The following SUZ12 variants were observed in gnomAD, a reference collection of about 807,000 sequenced individuals.
The protein encoded by SUZ12 is SUZ12 polycomb repressive complex 2 subunit.
Under a neutral mutation model 87.3 loss-of-function variants are expected in SUZ12, and 17 were observed. The observed-to-expected ratio is 0.19, with a 90% CI of 0.13 to 0.29. The LOEUF is 0.29. Among genes scored for constraint, SUZ12 ranks in the 10% least tolerant of loss-of-function variants. The pLI is 1.00. For missense variants in SUZ12, 526 were observed against 912.2 expected (o/e 0.58, Z 5.45); for synonymous variants, 253 against 312.4 (o/e 0.81, Z 2.01).
chr17:31,997,981 C>G (rs535756934), intron 15 of SUZ12, among the ~76,000 whole-genome samples: 1 of 151,866 alleles, frequency 6.6e-6, no homozygotes, highest in Non-Finnish European at 1.5e-5. Flanking sequence ...CTCACACTTA[C>G]AATGCTGGCA....
rs887405183 is a variant in SUZ12 at position 31,937,258 on chromosome 17, G to A, written c.12G>A (p.Gln4=). Residue 4 remains glutamine (Q), a synonymous_variant, in exon 1 of 16, where the codon CAG becomes CAA. Transcript: ENST00000322652. The part of the protein sequence containing the change: MAP[Q]KHGGGGGGGS... Reference sequence around the variant, plus strand: ...AGGCAGGAACCGCGATGGCGCCTCAGAAGCACGGCGGTGGGGGAGGGGGCG... The same window carrying A: ...AGGCAGGAACCGCGATGGCGCCTCAAAAGCACGGCGGTGGGGGAGGGGGCG... 1 of 1,398,246 alleles carries A rather than the reference G, an allele frequency of 7.2e-7. No homozygotes were observed. Among genetic ancestry groups the A allele is most frequent in the Non-Finnish European group, 9.2e-7 (1 of 1,087,268 alleles). The allele number at this position is 1,398,246 out of a possible 1,614,324, so 86.6% of individuals were successfully genotyped here. A position where few individuals can be genotyped will look rare whatever the true frequency, so the allele number is the denominator to read the frequency against.
rs1203982435 is a variant in SUZ12, at chr17:31,969,069, C to T, written c.505+2873C>T. Reference sequence around the variant, plus strand: ...CTCAGATCACTGCAGCCTCTGCCTCCAGGTTCAAGTGATTCTCATGCCTCC... The same window carrying T: ...CTCAGATCACTGCAGCCTCTGCCTCTAGGTTCAAGTGATTCTCATGCCTCC... On this transcript the variant is annotated intron_variant, in intron 5 of 15. Transcript: ENST00000322652. Among the ~76,000 whole-genome samples, 5 of 152,284 alleles carry T rather than the reference C, an allele frequency of 3.3e-5. No individual in the cohort carries two copies. The East Asian group carries it at 9.6e-4, about 29-fold the overall frequency.
intron 11 of SUZ12, 149 bp from the exon 12 acceptor site, chr17:31,993,716 C>T (rs1021067877): frequency 2.6e-5 from 21 of 817,796 alleles, no homozygotes; most frequent in Admixed American, 1.2e-4. Flanking sequence ...TGAGTGACCT[C>T]GCGTCACTGG....
intron 6 of SUZ12, among the ~76,000 whole-genome samples, chr17:31,973,733 C>T (rs1908574462): frequency 2.0e-5 from 3 of 152,198 alleles, no homozygotes; most frequent in African/African-American, 7.2e-5. Flanking sequence ...TAAGATGTTT[C>T]CTGGTCAACC....
chr17:31,961,841 G>C (rs1567821005), intron 4 of SUZ12, among the ~76,000 whole-genome samples: 2 of 152,116 alleles, frequency 1.3e-5, no homozygotes, highest in African/African-American at 4.8e-5. Context: ...ACACTTCTCA[G>C]AAAAGTAATG....
intron 5 of SUZ12, among the ~76,000 whole-genome samples, chr17:31,968,481 C>T (rs1908224998): frequency 6.6e-6 from 1 of 152,206 alleles, no homozygotes; most frequent in African/African-American, 2.4e-5. Context: ...ATCCTCTCAC[C>T]TCAGTCTCCC....
intron 3 of SUZ12, among the ~76,000 whole-genome samples, chr17:31,942,762 T>G (rs550650070): frequency 4.6e-5 from 7 of 152,212 alleles, no homozygotes; most frequent in Non-Finnish European, 8.8e-5. Context: ...CAGCTTATTT[T>G]TGCTGTGTAA....
rs2142112184 is a variant in SUZ12, at chr17:31,937,076, C to T, written c.-171C>T. The T allele has an allele frequency of 3.7e-6, 2 of 535,896 alleles. No homozygotes were observed. The highest frequency in any genetic ancestry group is 5.9e-6 in the Non-Finnish European group (2 of 336,824). 33.2% of individuals were successfully genotyped at this position (535,896 alleles called of 1,614,324 possible). ...GGCTCTGAGGAGACACTTTTTTTTTCCTCCCTCCTTCCCTCCTCTCCTCCT... is the reference window on the plus strand; with the variant it reads ...GGCTCTGAGGAGACACTTTTTTTTTTCTCCCTCCTTCCCTCCTCTCCTCCT... On this transcript the variant is annotated 5_prime_UTR_variant, in exon 1 of 16. Coordinates refer to ENST00000322652, the MANE Select transcript of SUZ12 (RefSeq NM_015355.4).
In SUZ12 at chr17:31,988,414, T is replaced by C; in HGVS notation, c.1118T>C (p.Ile373Thr). The change falls in exon 10 of 16, where the codon ATT becomes ACT. Residue 373 changes from isoleucine (I) to threonine (T), a missense_variant. Physicochemically the swap from Ile to Thr is moderately conservative, Grantham distance 89. Coordinates refer to ENST00000322652, the MANE Select transcript of SUZ12 (RefSeq NM_015355.4). ...GETNDKSTAP[I>T]AKPLATRNSE... ...ACCAATGATAAATCTACGGCTCCTA[T>C]TGCCAAACCTCTTGCCACTAGAAAT... 1.2e-6 allele frequency: 2 copies of C among 1,614,022 alleles called. No homozygotes were observed. The highest frequency in any genetic ancestry group is 2.7e-5 in the African/African-American group (2 of 75,038).
chr17:31,956,032 C>T (rs1907311453), intron 4 of SUZ12, among the ~76,000 whole-genome samples: 1 of 151,988 alleles, frequency 6.6e-6, no homozygotes. Context: ...TCTGCCTCAG[C>T]CTCCTGAGTA....
At chr17:31,948,001 A>T (rs1259816720) in intron 4 of SUZ12, among the ~76,000 whole-genome samples, 1 of 152,102 alleles carries the variant, frequency 6.6e-6, no homozygotes, top group Non-Finnish European at 1.5e-5. Context: ...TTAAAGAGGG[A>T]TACTCACATT....
chr17:31,978,456 G>A (rs1186779368), intron 8 of SUZ12, among the ~76,000 whole-genome samples: 1 of 152,112 alleles, frequency 6.6e-6, no homozygotes, highest in Admixed American at 6.6e-5. Flanking sequence ...TCATCCACCT[G>A]CCTCAGCCTC....
At chr17:31,949,757 C>T (rs1251697242) in intron 4 of SUZ12, among the ~76,000 whole-genome samples, 1 of 130,820 alleles carries the variant, frequency 7.6e-6, no homozygotes, top group African/African-American at 2.9e-5. Flanking sequence ...GCGATCTTGG[C>T]TCTACAGCCT....
At chr17:31,959,572 A>G (rs749556749) in intron 4 of SUZ12, among the ~76,000 whole-genome samples, 1 of 152,228 alleles carries the variant, frequency 6.6e-6, no homozygotes, top group African/African-American at 2.4e-5. Flanking sequence ...GCTAACATCT[A>G]ACTATAGAAA....
chr17:31,962,554 G>C (rs1422847148), intron 4 of SUZ12, among the ~76,000 whole-genome samples: 3 of 151,690 alleles, frequency 2.0e-5, no homozygotes, highest in Non-Finnish European at 2.9e-5. Context: ...TTGTGCCACT[G>C]TATACCAGTC....
chr17:31,957,229 T>A (rs936257710), intron 4 of SUZ12, among the ~76,000 whole-genome samples: 1 of 150,738 alleles, frequency 6.6e-6, no homozygotes, highest in Non-Finnish European at 1.5e-5. Context: ...ACTACCTGGC[T>A]ACATTTTTTG....
chr17:31,994,113 A>G (rs1598189869), intron 12 of SUZ12, 105 bp downstream of exon 12: 2 of 807,298 alleles, frequency 2.5e-6, no homozygotes, highest in African/African-American at 1.8e-5. Flanking sequence ...TAAAAAAGGG[A>G]AAAAATATGC....
chr17:31,980,011 TAG>T (rs55882925), intron 8 of SUZ12, among the ~76,000 whole-genome samples: 422 of 145,572 alleles, frequency 2.9e-3, no homozygotes, highest in Middle Eastern at 3.5e-3. Context: ...TATATATGTA[TAG>T]AGAGAGAGAG....
chr17:31,994,034 A>G, intron 12 of SUZ12, 26 bp downstream of exon 12: 8 of 1,604,224 alleles, frequency 5.0e-6, no homozygotes, highest in Non-Finnish European at 6.8e-6. Context: ...TATTTTCTCA[A>G]TTTGTGTTAA....
Sources: gnomAD v4.1 joint callset for allele counts (sites outside exome capture counted in the v4.1 genomes callset) on GRCh38, gnomAD v4.1.1 for gene constraint, MANE v1.5 for transcripts, NCBI Gene and HGNC (gene_info 2026-07-23, HGNC 2026-07-21) for gene names.